TACC2: variants seen among roughly 807,000 people sequenced by gnomAD.
The protein encoded by TACC2 is transforming acidic coiled-coil-containing protein 2.
Under a neutral mutation model 227.3 loss-of-function variants are expected in TACC2, and 137 were observed. That is an observed-to-expected ratio of 0.60 (90% CI 0.52 to 0.69). The LOEUF is 0.69. TACC2 is among the 30% of genes least tolerant of loss of function. The probability of loss-of-function intolerance (pLI) is 0.00; values close to 1 mark genes in which losing one functional copy is unlikely to be tolerated. For synonymous variants in TACC2, 1,523 were observed against 1,487.5 expected, an observed-to-expected ratio of 1.02 and a Z score of -0.55; for missense variants, 3,470 against 3,694.4, an observed-to-expected ratio of 0.94 and a Z score of 1.57.
chr10:122,082,982 C>CTACT lies in TACC2; in HGVS notation c.483_486dup (p.Pro163TyrfsTer63), dbSNP rs781399781. The CTACT allele has an allele frequency of 3.7e-6, 6 of 1,612,710 alleles. No homozygotes were observed. Among genetic ancestry groups the CTACT allele is most frequent in the Middle Eastern group, 1.6e-4 (1 of 6,084 alleles). On this transcript the variant is annotated frameshift_variant, in exon 4 of 23. Coordinates refer to ENST00000369005, the MANE Select transcript of TACC2 (RefSeq NM_206862.4). LOFTEE classifies it high-confidence loss of function. ...GCATTTCCCGCTGAGAGGGACAGCT[C>CTACT]TACTCCATACCAAGAGATTGCTGCC...
At chr10:122,174,493 C>G (rs899336185) in intron 7 of TACC2, among the ~76,000 whole-genome samples, 4 of 152,204 alleles carry the variant, frequency 2.6e-5, no homozygotes, top group African/African-American at 7.2e-5. Context: ...GTGTCTCCCT[C>G]TCTGTTGCTA....
chr10:122,233,289 C>T (rs1040930009), intron 16 of TACC2, among the ~76,000 whole-genome samples: 3 of 152,332 alleles, frequency 2.0e-5, no homozygotes, highest in Non-Finnish European at 2.9e-5. Flanking sequence ...CACTCAGCCA[C>T]GTCAGATAGA....
chr10:122,196,290 G>T (rs1244062877), intron 8 of TACC2, among the ~76,000 whole-genome samples: 1 of 152,238 alleles, frequency 6.6e-6, no homozygotes, highest in African/African-American at 2.4e-5. Flanking sequence ...CCGGAGCTTT[G>T]TTCCTAAACC....
intron 5 of TACC2, among the ~76,000 whole-genome samples, chr10:122,116,980 G>A (rs2084816988): frequency 6.6e-6 from 1 of 151,700 alleles, no homozygotes; most frequent in Admixed American, 6.6e-5. Flanking sequence ...AAACAGAAGT[G>A]CTCACAATGT....
At chr10:122,098,480 G>A (rs1423076093) in intron 5 of TACC2, among the ~76,000 whole-genome samples, 1 of 152,152 alleles carries the variant, frequency 6.6e-6, no homozygotes, top group Non-Finnish European at 1.5e-5. Flanking sequence ...GAGGCAGGTG[G>A]CTGCGTCTAA....
intron 19 of TACC2, among the ~76,000 whole-genome samples, chr10:122,242,474 A>G (rs1276211946): frequency 6.6e-6 from 1 of 152,152 alleles, no homozygotes; most frequent in East Asian, 1.9e-4. Flanking sequence ...TCCCGTGACC[A>G]TGGCAGGCCC....
chr10:122,226,254 G>T (rs568218583), intron 12 of TACC2, 112 bp from the exon 13 acceptor site: 5 of 728,508 alleles, frequency 6.9e-6, no homozygotes, highest in South Asian at 5.3e-5. Flanking sequence ...AACAATGAAG[G>T]CTTTTCCCTG....
chr10:122,156,027 C>T (rs1279020578), intron 7 of TACC2, among the ~76,000 whole-genome samples: 1 of 150,590 alleles, frequency 6.6e-6, no homozygotes, highest in Non-Finnish European at 1.5e-5. Flanking sequence ...TTAGTAGAGA[C>T]GAGGTTTCAC....
chr10:122,029,760 T>C (rs1958696772), intron 2 of TACC2, among the ~76,000 whole-genome samples: 1 of 152,096 alleles, frequency 6.6e-6, no homozygotes, highest in Non-Finnish European at 1.5e-5. Flanking sequence ...GTGCACAGTA[T>C]GGGCCACTAG....
At chr10:122,060,362 C>A (rs2076662073) in intron 3 of TACC2, among the ~76,000 whole-genome samples, 1 of 152,206 alleles carries the variant, frequency 6.6e-6, no homozygotes, top group Non-Finnish European at 1.5e-5. Flanking sequence ...GGAACTAGGG[C>A]AGGGTTTCTC....
intron 1 of TACC2, among the ~76,000 whole-genome samples, chr10:122,012,496 G>A (rs9663528): frequency 0.46 from 68,143 of 149,590 alleles, 15,693 homozygotes; most frequent in South Asian, 0.62. Flanking sequence ...TCAGGTGATC[G>A]GCCTGCCTTG....
At chr10:122,053,104 C>G (rs995337308) in intron 3 of TACC2, among the ~76,000 whole-genome samples, 2 of 152,120 alleles carry the variant, frequency 1.3e-5, no homozygotes, top group Non-Finnish European at 2.9e-5. Flanking sequence ...TGTATTAGTC[C>G]GTTTTCACAC....
intron 9 of TACC2, chr10:122,213,472 G>A: frequency 7.8e-7 from 1 of 1,275,166 alleles, no homozygotes; most frequent in Non-Finnish European, 1.1e-6. Flanking sequence ...TTCCCCTCTG[G>A]CTGCTACTGA....
chr10:122,218,444 C>T lies in TACC2; in HGVS notation c.7546+1616C>T, dbSNP rs370577274. ...CAAAAACTCCCAACCTTCTTCTGGA[C>T]GCTCTTCCACAGTCAGGCCCGGAGG... On this transcript the variant is annotated intron_variant, in intron 11 of 22. Transcript: ENST00000369005. Among the ~76,000 whole-genome samples the T allele has an allele frequency of 1.8e-3, 280 of 152,252 alleles. 1 individual carries two copies. In the Middle Eastern group the frequency reaches 0.031, roughly 17 times the overall value.
Position 122,226,455 on chromosome 10 carries a change from G to A in TACC2, c.7698G>A (p.Met2566Ile), listed in dbSNP as rs1334995033. 2.5e-6 allele frequency: 4 copies of A among 1,613,836 alleles called. No homozygotes were observed. Among genetic ancestry groups the A allele is most frequent in the Middle Eastern group, 1.6e-4 (1 of 6,084 alleles). The change falls in exon 13 of 23, where the codon ATG becomes ATA. Residue 2566 changes from methionine (M) to isoleucine (I), a missense_variant. Physicochemically the swap from Met to Ile is conservative, Grantham distance 10. Coordinates refer to ENST00000369005, the MANE Select transcript of TACC2 (RefSeq NM_206862.4). ...ESPVKSSPVR[M>I]SESPTPCSGS... ...CTGTCAAGTCATCTCCCGTCCGCAT[G>A]TCAGAGTCCCCGACGCCGTGTTCAG...
intron 7 of TACC2, among the ~76,000 whole-genome samples, chr10:122,151,750 G>A (rs543985011): frequency 6.6e-6 from 1 of 152,304 alleles, no homozygotes; most frequent in South Asian, 2.1e-4. Flanking sequence ...GACAGTGGTG[G>A]CCTGAACTAA....
At chr10:121,995,557 G>T (rs748932040) in intron 1 of TACC2, among the ~76,000 whole-genome samples, 1 of 152,182 alleles carries the variant, frequency 6.6e-6, no homozygotes, top group Non-Finnish European at 1.5e-5. Flanking sequence ...TTGCATTGCT[G>T]TAAAGGAACA....
Position 122,227,996 on chromosome 10 carries a change from A to G in TACC2, c.7884A>G (p.Glu2628=). ...LEAMGLGTPS[E]AIEITAPEGS... is the part of the protein sequence containing the mutation. ...CCATGGGCTTGGGCACCCCTTCAGA[A>G]GCGATTGAAATTGTAAGTGGAGTTG... The change falls in exon 14 of 23, where the codon GAA becomes GAG. Residue 2628 remains glutamate, a synonymous_variant. Coordinates refer to ENST00000369005, the MANE Select transcript of TACC2 (RefSeq NM_206862.4). The G allele has an allele frequency of 6.2e-7, 1 of 1,613,014 alleles. No individual in the cohort carries two copies. Among genetic ancestry groups the G allele is most frequent in the Non-Finnish European group, 8.5e-7 (1 of 1,179,628 alleles).
chr10:122,087,464 C>T lies in TACC2; in HGVS notation c.4964C>T (p.Thr1655Met), dbSNP rs758076925. ...AACAGTGAGCCCTGGACCCTTGACA[C>T]GCTTGGGGGTGAAAGGAGACCCGGA... ...EANSEPWTLDTLGGERRPGVT... is the reference protein window; with the variant it reads ...EANSEPWTLDMLGGERRPGVT... Residue 1655 changes from threonine (T) to methionine (M), a missense_variant, in exon 4 of 23, where the codon ACG (threonine) becomes ATG (methionine). Physicochemically the swap from Thr to Met is moderately conservative, Grantham distance 81. This residue lies in a region of TACC2 where 1,924 missense variants were observed against 1,978.3 expected (regional missense o/e 0.97). Transcript: ENST00000369005. 5.1e-5 allele frequency: 82 copies of T among 1,613,938 alleles called. No homozygotes were observed. The highest frequency in any genetic ancestry group is 4.2e-4 in the South Asian group (38 of 91,082).
Sources: gnomAD v4.1 joint callset for allele counts (sites outside exome capture counted in the v4.1 genomes callset) on GRCh38, gnomAD v4.1.1 for gene constraint, gnomAD v4.1.1 regional missense constraint, MANE v1.5 for transcripts, NCBI Gene and HGNC (gene_info 2026-07-23, HGNC 2026-07-21) for gene names.